The following UGCG variants were observed in gnomAD, a reference collection of about 807,000 sequenced individuals.
UGCG encodes UDP-glucose ceramide glucosyltransferase.
Under a neutral mutation model 49.5 loss-of-function variants are expected in UGCG, and 10 were observed. The ratio of observed to expected loss-of-function variants is 0.20; its 90% CI spans 0.12 to 0.34. The LOEUF is 0.34. Among genes scored for constraint, UGCG ranks in the 10% least tolerant of loss-of-function variants. The probability of loss-of-function intolerance (pLI) is 1.00; values close to 1 mark genes in which losing one functional copy is unlikely to be tolerated. For missense variants in UGCG, 312 were observed against 483.7 expected, an observed-to-expected ratio of 0.65 and a Z score of 3.33; for synonymous variants, 182 against 158.2, an observed-to-expected ratio of 1.15 and a Z score of -1.13.
At position 111,932,927 on chromosome 9, in the gene UGCG, C is replaced by A; in HGVS notation, c.1115C>A (p.Thr372Asn). ...YIFLSALWDP[T>N]ISWRTGRYRL... is the part of the protein sequence containing the mutation. ...TTTTTGTCTGCATTATGGGACCCAA[C>A]TATAAGCTGGAGAACTGGTCGCTAC... The change falls in exon 9 of 9, where the codon ACT becomes AAT. Residue 372 changes from threonine (T) to asparagine (N), a missense_variant. Around this residue, in one of 4 missense-constraint regions of UGCG, gnomAD observed 180 missense variants for 320.4 expected, o/e 0.56. Coordinates refer to ENST00000374279, the MANE Select transcript of UGCG (RefSeq NM_003358.3). 6.2e-7 allele frequency: 1 copy of A among 1,613,000 alleles called. No homozygotes were observed.
intron 5 of UGCG, 133 bp from the exon 6 acceptor site, chr9:111,929,367 A>G (rs771779646): frequency 2.8e-4 from 242 of 878,186 alleles, no homozygotes; most frequent in Non-Finnish European, 3.6e-4. Context: ...CTTTTTATTC[A>G]GGTAGTCTAC....
chr9:111,913,103 G>A (rs1225545044), intron 1 of UGCG, among the ~76,000 whole-genome samples: 1 of 152,152 alleles, frequency 6.6e-6, no homozygotes, highest in African/African-American at 2.4e-5. Flanking sequence ...AGTATTTTTT[G>A]ATCATCTAGA....
intron 1 of UGCG, among the ~76,000 whole-genome samples, chr9:111,909,017 C>G (rs972511752): frequency 7.2e-5 from 11 of 152,176 alleles, no homozygotes; most frequent in Non-Finnish European, 1.0e-4. Flanking sequence ...CTCCCAGGTT[C>G]AAGTCATTCT....
chr9:111,907,821 G>T (rs144806235), intron 1 of UGCG, among the ~76,000 whole-genome samples: 1 of 151,920 alleles, frequency 6.6e-6, no homozygotes, highest in Non-Finnish European at 1.5e-5. Context: ...AAGAGATAGG[G>T]TTTCACCATG....
At chr9:111,912,585 TAAAA>T (rs753260287) in intron 1 of UGCG, among the ~76,000 whole-genome samples, 1 of 138,774 alleles carries the variant, frequency 7.2e-6, no homozygotes, top group Non-Finnish European at 1.6e-5. Flanking sequence ...CTTAAAAAAA[TAAAA>T]AAAAAAAAAT....
intron 2 of UGCG, 155 bp from the exon 3 acceptor site, chr9:111,922,694 A>T: frequency 2.3e-6 from 1 of 442,472 alleles, no homozygotes; most frequent in South Asian, 4.6e-5. Flanking sequence ...AACACTTGTT[A>T]TCATAAGTGT....
intron 1 of UGCG, among the ~76,000 whole-genome samples, chr9:111,910,627 TATA>T (rs1309937008): frequency 6.6e-6 from 1 of 152,218 alleles, no homozygotes; most frequent in Non-Finnish European, 1.5e-5. Flanking sequence ...TGTGGTCATA[TATA>T]ATGATTTCCC....
intron 2 of UGCG, chr9:111,915,702 T>G: frequency 1.3e-6 from 1 of 796,470 alleles, no homozygotes; most frequent in Non-Finnish European, 1.5e-6. Context: ...GAAGATGATA[T>G]GCGCACTACA....
intron 2 of UGCG, among the ~76,000 whole-genome samples, chr9:111,921,934 C>G (rs772196154): frequency 4.0e-5 from 6 of 150,920 alleles, no homozygotes; most frequent in Non-Finnish European, 8.8e-5. Context: ...ACCTCAGCCT[C>G]CCAAGTAGCT....
chr9:111,901,041 C>T (rs1435143830), intron 1 of UGCG, among the ~76,000 whole-genome samples: 2 of 152,072 alleles, frequency 1.3e-5, no homozygotes, highest in African/African-American at 4.8e-5. Context: ...GTCTCAAACT[C>T]CTGGGCTCAA....
intron 1 of UGCG, among the ~76,000 whole-genome samples, chr9:111,906,512 C>G (rs906529988): frequency 9.9e-5 from 15 of 152,200 alleles, no homozygotes; most frequent in African/African-American, 3.6e-4. Flanking sequence ...TCACCACAAC[C>G]TCTGCCTCCT....
chr9:111,904,093 G>T (rs1374932803), intron 1 of UGCG, among the ~76,000 whole-genome samples: 1 of 152,136 alleles, frequency 6.6e-6, no homozygotes, highest in African/African-American at 2.4e-5. Flanking sequence ...CAGGCTGTCT[G>T]CCCACAGTTG....
At position 111,914,781 on chromosome 9, in the gene UGCG, GTTTT is replaced by G; in HGVS notation, c.240+36_240+39del. The G allele has an allele frequency of 1.9e-6, 3 of 1,610,818 alleles. No homozygotes were observed. The South Asian group carries it at 3.3e-5, about 18-fold the overall frequency. On this transcript the variant is annotated intron_variant, in intron 2 of 8. Coordinates refer to ENST00000374279, the MANE Select transcript of UGCG (RefSeq NM_003358.3). ...GTGTTACGGTTTTTTGTTTTGTTTTGTTTTGTTTTGTTCCCCTCATGATAAACAT... is the reference window on the plus strand; with the variant it reads ...GTGTTACGGTTTTTTGTTTTGTTTTGGTTTTGTTCCCCTCATGATAAACAT...
chr9:111,931,052 A>G (rs1324525008), intron 6 of UGCG, among the ~76,000 whole-genome samples: 2 of 152,134 alleles, frequency 1.3e-5, no homozygotes, highest in Admixed American at 1.3e-4. Flanking sequence ...AGGTGGGTAC[A>G]GTTTCTTCTA....
chr9:111,906,250 T>C (rs1837880240), intron 1 of UGCG, among the ~76,000 whole-genome samples: 1 of 152,188 alleles, frequency 6.6e-6, no homozygotes, highest in Admixed American at 6.6e-5. Flanking sequence ...TCTCTCATTG[T>C]GCCCAGATTT....
chr9:111,909,529 C>T (rs1474044695), intron 1 of UGCG, among the ~76,000 whole-genome samples: 1 of 152,202 alleles, frequency 6.6e-6, no homozygotes, highest in Admixed American at 6.5e-5. Flanking sequence ...AGCTTCTGGG[C>T]ATGTGCAACC....
rs71373800 is a variant in UGCG at position 111,921,802 on chromosome 9, A to ATTTTTTTTTTTTTTTTTTTTTTTTTTTT, written c.241-1021_241-1020insTTTTTTTTTTTTTTTTTTTTTTTTTTTT. On this transcript the variant is annotated intron_variant, in intron 2 of 8. Coordinates refer to ENST00000374279, the MANE Select transcript of UGCG (RefSeq NM_003358.3). ...TTTTTAAAATAAATGCCCCAGGGTG[A>ATTTTTTTTTTTTTTTTTTTTTTTTTTTT]TTTTTTTTTTTTTTTTTTTTTTTTT... Among the ~76,000 whole-genome samples the ATTTTTTTTTTTTTTTTTTTTTTTTTTTT allele has an allele frequency of 2.7e-4, 15 of 55,534 alleles. 4 individuals are homozygous for ATTTTTTTTTTTTTTTTTTTTTTTTTTTT. Among genetic ancestry groups the ATTTTTTTTTTTTTTTTTTTTTTTTTTTT allele is most frequent in the African/African-American group, 4.0e-4 (6 of 15,072 alleles). 36.4% of individuals were successfully genotyped at this position (55,534 alleles called of 152,430 possible).
At chr9:111,913,599 ATTTT>A (rs35083061) in intron 1 of UGCG, among the ~76,000 whole-genome samples, 2 of 132,220 alleles carry the variant, frequency 1.5e-5, no homozygotes, top group African/African-American at 2.8e-5. Context: ...CGCCCAGCTA[ATTTT>A]TTTTTTTTTT....
chr9:111,914,906 CAG>C, intron 2 of UGCG, 160 bp downstream of exon 2: 1 of 1,055,636 alleles, frequency 9.5e-7, no homozygotes. Context: ...CATCACAGAA[CAG>C]AAATAGGTTG....
Sources: gnomAD v4.1 joint callset for allele counts (sites outside exome capture counted in the v4.1 genomes callset) on GRCh38, gnomAD v4.1.1 for gene constraint, gnomAD v4.1.1 regional missense constraint, MANE v1.5 for transcripts, NCBI Gene and HGNC (gene_info 2026-07-23, HGNC 2026-07-21) for gene names.